The following CD300A variants were observed in gnomAD, a reference collection of about 807,000 sequenced individuals.
The protein encoded by CD300A is CD300a molecule, also known as CMRF35-like molecule 8.
A neutral mutation model predicts 33.6 loss-of-function variants in CD300A; 22 were observed. The observed-to-expected ratio is 0.66, with a 90% CI of 0.47 to 0.94. The LOEUF (loss-of-function observed/expected upper bound fraction) is 0.94, where lower values mean the gene tolerates loss of function less well. CD300A is among the 40% of genes least tolerant of loss of function. The pLI is 0.00. For missense variants in CD300A, 326 were observed against 360.5 expected (o/e 0.90, Z 0.77); for synonymous variants, 136 against 148.1 (o/e 0.92, Z 0.59).
rs959461917 is a variant in CD300A at position 74,484,758 on chromosome 17, A to G, written c.*632A>G. 3 of 152,206 alleles carry G rather than the reference A, an allele frequency of 2.0e-5. No individual in the cohort carries two copies. Among genetic ancestry groups the G allele is most frequent in the African/African-American group, 7.2e-5 (3 of 41,452 alleles). 9.4% of individuals were successfully genotyped at this position (152,206 alleles called of 1,614,324 possible). On this transcript the variant is annotated 3_prime_UTR_variant, in exon 7 of 7. Coordinates refer to ENST00000360141, the MANE Select transcript of CD300A (RefSeq NM_007261.4). ...ATGAAATATAAAAACAGTTTCAAAT[A>G]TCTTATTGAGGGAGAAGTAAAAACT...
At chr17:74,466,837 C>G (rs1905743689) in intron 1 of CD300A, 94 bp downstream of exon 1, 2 of 1,546,286 alleles carry the variant, frequency 1.3e-6, no homozygotes, top group Non-Finnish European at 1.7e-6. Context: ...CGCCCCGAGT[C>G]TGGACTCCGT....
intron 1 of CD300A, chr17:74,467,047 G>A: frequency 1.6e-6 from 2 of 1,247,926 alleles, no homozygotes; most frequent in South Asian, 3.7e-5. Flanking sequence ...TACAGGAAGG[G>A]GGACGAGAGG....
rs1906836802 is a variant in CD300A, at chr17:74,481,402, C to T, written c.666+76C>T. The T allele has an allele frequency of 5.8e-6, 8 of 1,378,744 alleles. No individual in the cohort carries two copies. The South Asian group carries it at 9.4e-5, about 16-fold the overall frequency. The allele number at this position is 1,378,744 out of a possible 1,614,324, so 85.4% of individuals were successfully genotyped here. On this transcript the variant is annotated intron_variant, in intron 5 of 6. Coordinates refer to ENST00000360141, the MANE Select transcript of CD300A (RefSeq NM_007261.4). ...GAGGCTGCTGGGGAGTTGGACAGTC[C>T]CATCGGCCAACGGAGGTTGGATGGA...
At chr17:74,482,372 C>T (rs1405667443) in intron 6 of CD300A, among the ~76,000 whole-genome samples, 3 of 151,846 alleles carry the variant, frequency 2.0e-5, no homozygotes, top group African/African-American at 7.3e-5. Flanking sequence ...GCTTAAAGTG[C>T]CCCCAGGCCT....
At chr17:74,477,363 AAAAAAT>A in intron 3 of CD300A, 67 bp from the exon 4 acceptor site, 2 of 1,020,888 alleles carry the variant, frequency 2.0e-6, no homozygotes, top group Non-Finnish European at 2.9e-6. Context: ...AAATAAAAAT[AAAAAAT>A]AAAAATAAAA....
chr17:74,469,695 G>T (rs1345163615), intron 1 of CD300A, among the ~76,000 whole-genome samples: 1 of 152,108 alleles, frequency 6.6e-6, no homozygotes, highest in Non-Finnish European at 1.5e-5. Context: ...ATGGTAGTGT[G>T]CACCCTGTAG....
chr17:74,478,759 G>T, intron 4 of CD300A, among the ~76,000 whole-genome samples: 1 of 152,226 alleles, frequency 6.6e-6, no homozygotes. Context: ...TGCAGGATAA[G>T]CTGCTGCATG....
rs146984765 is a variant in CD300A, at chr17:74,482,697, C to CCTTTCTTTCTTT, written c.774+889_774+900dup. Among the ~76,000 whole-genome samples the CCTTTCTTTCTTT allele has an allele frequency of 2.0e-3, 255 of 130,234 alleles. 1 individual carries two copies. The highest frequency in any genetic ancestry group is 2.6e-3 in the Non-Finnish European group (168 of 64,664). 85.4% of individuals were successfully genotyped at this position (130,234 alleles called of 152,430 possible). On this transcript the variant is annotated intron_variant, in intron 6 of 6. Coordinates refer to ENST00000360141, the MANE Select transcript of CD300A (RefSeq NM_007261.4). ...GGCCAAGTTCCTTCCTTCCTTCCTTCCTTTCTTTCTTTCTTTCTTTCTTTC... is the reference window on the plus strand; with the variant it reads ...GGCCAAGTTCCTTCCTTCCTTCCTTCCTTTCTTTCTTTCTTTCTTTCTTTCTTTCTTTCTTTC...
chr17:74,469,456 G>A (rs1905945354), intron 1 of CD300A, among the ~76,000 whole-genome samples: 1 of 152,000 alleles, frequency 6.6e-6, no homozygotes, highest in Non-Finnish European at 1.5e-5. Context: ...CTTATTTGCA[G>A]AGATTTGCAA....
At chr17:74,482,752 C>T (rs926940666) in intron 6 of CD300A, among the ~76,000 whole-genome samples, 1 of 137,246 alleles carries the variant, frequency 7.3e-6, no homozygotes, top group Non-Finnish European at 1.5e-5. Context: ...GCTCTATCCC[C>T]CAGGCTGGAA....
At chr17:74,472,801 G>A (rs1478671781) in intron 1 of CD300A, among the ~76,000 whole-genome samples, 2 of 152,028 alleles carry the variant, frequency 1.3e-5, no homozygotes, top group African/African-American at 4.8e-5. Context: ...GTAGAGACAG[G>A]GTTTCACCAT....
intron 1 of CD300A, among the ~76,000 whole-genome samples, chr17:74,470,419 G>A (rs1296267504): frequency 6.6e-6 from 1 of 152,074 alleles, no homozygotes; most frequent in Non-Finnish European, 1.5e-5. Flanking sequence ...TAGAGGGAGA[G>A]AGAGAGAGGG....
intron 4 of CD300A, among the ~76,000 whole-genome samples, chr17:74,479,991 C>T (rs1204986162): frequency 2.0e-5 from 3 of 152,172 alleles, no homozygotes; most frequent in Non-Finnish European, 4.4e-5. Flanking sequence ...GCTTCCCCTA[C>T]CGCTGGCTCC....
intron 1 of CD300A, 28 bp from the exon 2 acceptor site, chr17:74,473,508 A>G: frequency 6.3e-7 from 1 of 1,590,642 alleles, no homozygotes; most frequent in Non-Finnish European, 8.6e-7. Context: ...TCTGAGGAGG[A>G]GCTGGGACTC....
intron 6 of CD300A, among the ~76,000 whole-genome samples, chr17:74,483,225 A>G (rs1446701497): frequency 6.6e-6 from 1 of 152,214 alleles, no homozygotes; most frequent in Non-Finnish European, 1.5e-5. Flanking sequence ...CAGCAAGTTA[A>G]TCAGAGCTGC....
At chr17:74,472,049 A>C (rs1165922220) in intron 1 of CD300A, among the ~76,000 whole-genome samples, 1 of 151,968 alleles carries the variant, frequency 6.6e-6, no homozygotes. Flanking sequence ...GAGACCAGCC[A>C]GGCCAACATG....
intron 1 of CD300A, chr17:74,470,202 C>T: frequency 1.0e-6 from 1 of 985,408 alleles, no homozygotes; most frequent in Non-Finnish European, 1.2e-6. Context: ...AGCGCAGAAA[C>T]ACAAGCCTGG....
chr17:74,473,223 TG>T (rs1288430971), intron 1 of CD300A, among the ~76,000 whole-genome samples: 1 of 151,966 alleles, frequency 6.6e-6, no homozygotes, highest in African/African-American at 2.4e-5. Flanking sequence ...ATCTGGCTGA[TG>T]GGGCTGATAT....
chr17:74,469,989 T>G (rs1905988588), intron 1 of CD300A: 2 of 985,328 alleles, frequency 2.0e-6, no homozygotes, highest in Admixed American at 1.2e-4. Flanking sequence ...TGTGTGGGTG[T>G]GTGTGTTCCT....
Sources: gnomAD v4.1 joint callset for allele counts (sites outside exome capture counted in the v4.1 genomes callset) on GRCh38, gnomAD v4.1.1 for gene constraint, MANE v1.5 for transcripts, NCBI Gene and HGNC (gene_info 2026-07-23, HGNC 2026-07-21) for gene names.